TRDN: variants seen among roughly 807,000 people sequenced by gnomAD.
The protein encoded by TRDN is triadin in skeletal muscle.
A neutral mutation model predicts 149.7 loss-of-function variants in TRDN; 161 were observed. That is an observed-to-expected ratio of 1.08 (90% CI 0.95 to 1.23). TRDN has a LOEUF of 1.23. TRDN is among the 50% of genes most tolerant of loss of function. The pLI, the probability that TRDN is intolerant of heterozygous loss-of-function variation, is 0.00. For missense variants in TRDN, 896 were observed against 823.5 expected (o/e 1.09, Z -1.08); for synonymous variants, 294 against 250.5 (o/e 1.17, Z -1.64).
intron 1 of TRDN, among the ~76,000 whole-genome samples, chr6:123,579,116 A>G (rs542880030): frequency 6.6e-6 from 1 of 152,246 alleles, no homozygotes; most frequent in African/African-American, 2.4e-5. Context: ...TTGACTTTCT[A>G]TCTTCCTATT....
chr6:123,311,601 T>C (rs1778823574), intron 24 of TRDN, among the ~76,000 whole-genome samples: 1 of 152,004 alleles, frequency 6.6e-6, no homozygotes, highest in Non-Finnish European at 1.5e-5. Flanking sequence ...AAAATGTCTC[T>C]AATTCAGTCT....
chr6:123,453,240 A>G (rs1775896393), intron 10 of TRDN, among the ~76,000 whole-genome samples: 1 of 152,198 alleles, frequency 6.6e-6, no homozygotes, highest in South Asian at 2.1e-4. Flanking sequence ...TGCAATAAAA[A>G]CAAAGATAAA....
At chr6:123,354,354 G>A (rs1264006103) in intron 20 of TRDN, among the ~76,000 whole-genome samples, 2 of 151,754 alleles carry the variant, frequency 1.3e-5, no homozygotes, top group African/African-American at 4.8e-5. Context: ...ACAATTTAAG[G>A]AAATCAGCCC....
intron 38 of TRDN, among the ~76,000 whole-genome samples, chr6:123,245,966 A>C (rs893038610): frequency 1.3e-5 from 2 of 152,188 alleles, no homozygotes; most frequent in Non-Finnish European, 2.9e-5. Context: ...TGGAAACTGA[A>C]CAACCTGCTC....
intron 6 of TRDN, among the ~76,000 whole-genome samples, chr6:123,515,788 G>A (rs914510029): frequency 6.6e-6 from 1 of 152,048 alleles, no homozygotes; most frequent in Non-Finnish European, 1.5e-5. Context: ...CAATCTAATA[G>A]ATAATCAAAA....
chr6:123,585,586 G>A (rs1034923756), intron 1 of TRDN, among the ~76,000 whole-genome samples: 9 of 152,108 alleles, frequency 5.9e-5, no homozygotes, highest in Non-Finnish European at 1.3e-4. Flanking sequence ...ATCTGGGAAG[G>A]AGTCTGAGAG....
At chr6:123,258,561 A>G (rs143945124) in intron 35 of TRDN, among the ~76,000 whole-genome samples, 7,064 of 152,250 alleles carry the variant, frequency 0.046, 196 homozygotes, top group Non-Finnish European at 0.067. Context: ...GGATTTTCGC[A>G]TCGATATTCA....
intron 4 of TRDN, 50 bp downstream of exon 4, chr6:123,547,290 A>T (rs1180016211): frequency 2.6e-6 from 3 of 1,174,904 alleles, no homozygotes; most frequent in Non-Finnish European, 3.5e-6. Context: ...CTGAAAACCA[A>T]TATTACCATA....
chr6:123,518,345 C>G (rs964730877), intron 5 of TRDN, among the ~76,000 whole-genome samples: 1 of 152,094 alleles, frequency 6.6e-6, no homozygotes, highest in African/African-American at 2.4e-5. Context: ...TCCTTTGAAT[C>G]CCTATTAATT....
In TRDN at chr6:123,503,803, C is replaced by T; in HGVS notation, c.709G>A (p.Val237Ile). The T allele has an allele frequency of 1.9e-6, 3 of 1,612,408 alleles. No individual in the cohort carries two copies. The highest frequency in any genetic ancestry group is 2.2e-5 in the South Asian group (2 of 90,938). Reference sequence around the variant, plus strand: ...GATGGTGTTTTCTGTACTTCTTTTACTTTTGCAGCTGTTTGCTTCACTTTC... The same window carrying T: ...GATGGTGTTTTCTGTACTTCTTTTATTTTTGCAGCTGTTTGCTTCACTTTC... ...QEKVKQTAAK[V>I]KEVQKTPSKP... The change falls in exon 8 of 41, where the codon GTA (valine) becomes ATA (isoleucine). Residue 237 changes from valine (V) to isoleucine (I), a missense_variant. Val to Ile is a conservative substitution (Grantham distance 29, BLOSUM62 3). Coordinates refer to ENST00000334268, the MANE Select transcript of TRDN (RefSeq NM_006073.4).
At chr6:123,499,723 T>A (rs200711616) in intron 8 of TRDN, among the ~76,000 whole-genome samples, 1,518 of 34,890 alleles carry the variant, frequency 0.044, 35 homozygotes, top group Non-Finnish European at 0.061. Flanking sequence ...AAAAAAAATA[T>A]ATATATATAT....
chr6:123,316,630 T>A (rs1779034754), intron 23 of TRDN, 135 bp from the exon 24 acceptor site: 4 of 569,764 alleles, frequency 7.0e-6, no homozygotes, highest in Non-Finnish European at 1.2e-5. Context: ...CAATTATAGT[T>A]ATATACTGTT....
At position 123,354,677 on chromosome 6, in the gene TRDN, G is replaced by A. The variant is rs148555882; in HGVS notation, c.1322-2091C>T. Among the ~76,000 whole-genome samples the A allele has an allele frequency of 4.4e-3, 662 of 151,780 alleles. 3 individuals carry two copies. The highest frequency in any genetic ancestry group is 0.015 in the African/African-American group (625 of 41,492). The stretch of plus-strand genomic sequence containing the variant: ...CAAAAAGATGGAAAATATACAAGAG[G>A]TTAACAGACATAGAAGATAGAATTC... On this transcript the variant is annotated intron_variant, in intron 20 of 40. Coordinates refer to ENST00000334268, the MANE Select transcript of TRDN (RefSeq NM_006073.4).
chr6:123,610,640 G>A (rs796377124), intron 1 of TRDN, among the ~76,000 whole-genome samples: 2 of 152,256 alleles, frequency 1.3e-5, no homozygotes, highest in African/African-American at 2.4e-5. Flanking sequence ...TGCTATGAGA[G>A]CCTATAATGT....
At chr6:123,373,232 G>C (rs779520628) in intron 19 of TRDN, among the ~76,000 whole-genome samples, 2 of 152,142 alleles carry the variant, frequency 1.3e-5, no homozygotes, top group Non-Finnish European at 2.9e-5. Flanking sequence ...TCCCTATGCT[G>C]TTCTCGTGAT....
intron 22 of TRDN, among the ~76,000 whole-genome samples, 184 bp from the exon 23 acceptor site, chr6:123,332,113 A>G (rs1297539946): frequency 1.3e-5 from 2 of 152,116 alleles, no homozygotes; most frequent in Non-Finnish European, 2.9e-5. Flanking sequence ...ACAATAAGCC[A>G]TAAACTGATC....
chr6:123,377,765 A>T, intron 17 of TRDN, 23 bp from the exon 18 acceptor site: 2 of 1,613,140 alleles, frequency 1.2e-6, no homozygotes, highest in Non-Finnish European at 1.7e-6. Context: ...GGAAAGAAAA[A>T]AAAATCAGCA....
At chr6:123,316,520 A>G in intron 23 of TRDN, 25 bp from the exon 24 acceptor site, 1 of 1,606,166 alleles carries the variant, frequency 6.2e-7, no homozygotes, top group South Asian at 1.1e-5. Flanking sequence ...ACACATAAAC[A>G]CGTACAAACA....
At chr6:123,322,437 C>A (rs747662737) in intron 23 of TRDN, among the ~76,000 whole-genome samples, 11 of 152,104 alleles carry the variant, frequency 7.2e-5, no homozygotes, top group Non-Finnish European at 1.3e-4. Context: ...TTATAATTAT[C>A]TCAGGAATTT....
Sources: gnomAD v4.1 joint callset for allele counts (sites outside exome capture counted in the v4.1 genomes callset) on GRCh38, gnomAD v4.1.1 for gene constraint, MANE v1.5 for transcripts, NCBI Gene and HGNC (gene_info 2026-07-23, HGNC 2026-07-21) for gene names.